DHX35: variants seen among roughly 807,000 people sequenced by gnomAD.
The protein encoded by DHX35 is DEAH-box helicase 35, also known as probable ATP-dependent RNA helicase DHX35.
In DHX35, 84 loss-of-function variants were observed where a neutral mutation model predicts 99.6. That is an observed-to-expected ratio of 0.84 (90% CI 0.71 to 1.01). DHX35 has a LOEUF of 1.01. DHX35 is among the 50% of genes least tolerant of loss of function. The pLI, the probability that DHX35 is intolerant of heterozygous loss-of-function variation, is 0.00. For missense variants in DHX35, 852 were observed against 888.5 expected (o/e 0.96, Z 0.52); for synonymous variants, 331 against 316.2 (o/e 1.05, Z -0.50).
At chr20:39,008,658 G>C (rs2086655145) in intron 12 of DHX35, among the ~76,000 whole-genome samples, 1 of 152,290 alleles carries the variant, frequency 6.6e-6, no homozygotes, top group African/African-American at 2.4e-5. Context: ...CACCTGCTCA[G>C]ACCCTCCACA....
intron 1 of DHX35, among the ~76,000 whole-genome samples, chr20:38,963,251 A>C (rs937054687): frequency 1.6e-4 from 24 of 152,380 alleles, no homozygotes; most frequent in African/African-American, 3.8e-4. Context: ...AAAGTTTTTA[A>C]ATTACAGCTA....
At position 38,988,825 on chromosome 20, in the gene DHX35, G is replaced by A; in HGVS notation, c.358G>A (p.Val120Ile). ...RVAAVTVAGR[V>I]AEERGAVLGH... ...TTTCTTCCCAAAGGTTGCAGGGAGA[G>A]TAGCTGAAGAAAGGGGTGCAGTGCT... Residue 120 changes from valine to isoleucine, a missense_variant, in exon 5 of 22, where the codon GTA (valine) becomes ATA (isoleucine). By Grantham distance (29) the Val-to-Ile change is conservative. Coordinates refer to ENST00000252011, the MANE Select transcript of DHX35 (RefSeq NM_021931.4). The A allele has an allele frequency of 3.1e-6, 5 of 1,613,726 alleles. No individual in the cohort carries two copies. The highest frequency in any genetic ancestry group is 1.1e-5 in the South Asian group (1 of 91,076).
intron 14 of DHX35, among the ~76,000 whole-genome samples, chr20:39,017,030 A>G (rs560384741): frequency 6.6e-6 from 1 of 152,174 alleles, no homozygotes; most frequent in African/African-American, 2.4e-5. Context: ...TGCAGTACAA[A>G]AATTTTAAGT....
intron 14 of DHX35, among the ~76,000 whole-genome samples, chr20:39,017,962 G>A (rs2086811233): frequency 6.6e-6 from 1 of 152,186 alleles, no homozygotes. Flanking sequence ...CACATGGCTG[G>A]GGAGGCCTCA....
chr20:39,001,595 C>A, intron 8 of DHX35, 135 bp from the exon 9 acceptor site: 1 of 555,658 alleles, frequency 1.8e-6, no homozygotes, highest in Non-Finnish European at 3.1e-6. Context: ...ATTTTGCAAC[C>A]CATAATCTGT....
Position 38,983,748 on chromosome 20 carries a change from C to A in DHX35, c.317C>A (p.Thr106Asn), listed in dbSNP as rs776489252. 42 of 1,613,882 alleles carry A rather than the reference C, an allele frequency of 2.6e-5. No homozygotes were observed. Among genetic ancestry groups the A allele is most frequent in the Non-Finnish European group, 3.4e-5 (40 of 1,179,974 alleles). ...GCTGAAGGAAGAGTGGTAGGAGTGA[C>A]CCAGCCTCGAAGAGTGGCTGCTGTT... ...WTAEGRVVGV[T>N]QPRRVAAVTV... Residue 106 changes from threonine (T) to asparagine (N), a missense_variant, in exon 4 of 22, where the codon ACC becomes AAC. Thr to Asn is a moderately conservative substitution (Grantham distance 65). Coordinates refer to ENST00000252011, the MANE Select transcript of DHX35 (RefSeq NM_021931.4).
chr20:39,012,174 G>A (rs572188418), intron 13 of DHX35, among the ~76,000 whole-genome samples: 14 of 152,244 alleles, frequency 9.2e-5, no homozygotes, highest in African/African-American at 3.1e-4. Flanking sequence ...GCTTGAACCC[G>A]GGAGGTGGAG....
At chr20:38,988,762 T>C in intron 4 of DHX35, 51 bp from the exon 5 acceptor site, 8 of 1,610,832 alleles carry the variant, frequency 5.0e-6, no homozygotes, top group Non-Finnish European at 6.8e-6. Context: ...GTATGTGCGC[T>C]GTGCAGTAAT....
chr20:38,979,558 C>T (rs532141023), intron 3 of DHX35, among the ~76,000 whole-genome samples: 2 of 152,284 alleles, frequency 1.3e-5, no homozygotes, highest in African/African-American at 4.8e-5. Context: ...TCTGCTACCC[C>T]TCTTATGGAG....
intron 1 of DHX35, among the ~76,000 whole-genome samples, chr20:38,968,302 A>G (rs779320048): frequency 3.3e-5 from 5 of 152,202 alleles, no homozygotes; most frequent in East Asian, 1.9e-4. Context: ...AGACGTGCCA[A>G]GATGAGAGAA....
intron 18 of DHX35, among the ~76,000 whole-genome samples, chr20:39,026,529 G>A (rs371242643): frequency 2.6e-5 from 4 of 152,294 alleles, no homozygotes; most frequent in African/African-American, 9.6e-5. Context: ...AGTAATCATA[G>A]AAGACGTGCT....
Position 38,980,511 on chromosome 20 carries a change from GT to G in DHX35, c.268-3174del, listed in dbSNP as rs397953645. 2.3e-3 allele frequency among the ~76,000 whole-genome samples: 312 copies of G among 136,934 alleles called. 2 individuals are homozygous for G. Among genetic ancestry groups the G allele is most frequent in the African/African-American group, 6.1e-3 (227 of 37,336 alleles). The allele number at this position is 136,934 out of a possible 152,430, so 89.8% of individuals were successfully genotyped here. A position where few individuals can be genotyped will look rare whatever the true frequency, so the allele number is the denominator to read the frequency against. On this transcript the variant is annotated intron_variant, in intron 3 of 21. Transcript: ENST00000252011. ...TCTTAGCTATTATTCTTATAGTTCT[GT>G]TTTTTTTTTTTTTGTATTTGTGTTG...
Position 38,967,376 on chromosome 20 carries a change from G to A in DHX35, c.41-1705G>A, listed in dbSNP as rs145039805. The stretch of plus-strand genomic sequence containing the variant: ...TATCACTGTAGTGCCCCAGCAGGAG[G>A]CTGTATAGCATGTGTTTGATCTAGG... On this transcript the variant is annotated intron_variant, in intron 1 of 21. Transcript: ENST00000252011. 2.6e-5 allele frequency among the ~76,000 whole-genome samples: 4 copies of A among 152,302 alleles called. No individual in the cohort carries two copies. In the East Asian group the frequency reaches 7.7e-4, roughly 29 times the overall value.
intron 18 of DHX35, 126 bp from the exon 19 acceptor site, chr20:39,028,292 G>A: frequency 1.1e-6 from 1 of 889,588 alleles, no homozygotes; most frequent in Non-Finnish European, 1.9e-6. Context: ...AGCCATTTCA[G>A]GAGAGGGTTT....
intron 10 of DHX35, among the ~76,000 whole-genome samples, chr20:39,003,510 T>G (rs1386435306): frequency 6.6e-6 from 1 of 152,254 alleles, no homozygotes; most frequent in Admixed American, 6.5e-5. Context: ...TTCCATTCAT[T>G]GCAGATCATA....
intron 7 of DHX35, among the ~76,000 whole-genome samples, chr20:38,994,225 CTT>C (rs1432340117): frequency 6.6e-6 from 1 of 152,002 alleles, no homozygotes; most frequent in Non-Finnish European, 1.5e-5. Flanking sequence ...TTCACTGAAT[CTT>C]TGCCAACACT....
chr20:39,012,493 A>C (rs2086719747), intron 13 of DHX35, among the ~76,000 whole-genome samples: 1 of 152,188 alleles, frequency 6.6e-6, no homozygotes, highest in African/African-American at 2.4e-5. Context: ...GAGAGAGGTG[A>C]CTGCACGTTG....
At chr20:39,014,666 T>C (rs1331371101) in intron 13 of DHX35, among the ~76,000 whole-genome samples, 2 of 152,098 alleles carry the variant, frequency 1.3e-5, no homozygotes, top group African/African-American at 4.8e-5. Context: ...GGGAAATGTT[T>C]CATCAAGCTG....
intron 1 of DHX35, among the ~76,000 whole-genome samples, chr20:38,968,212 G>A (rs1235127036): frequency 1.3e-5 from 2 of 152,140 alleles, no homozygotes; most frequent in Non-Finnish European, 2.9e-5. Context: ...GGAGTTGTAA[G>A]CGTGAACCCT....
Sources: gnomAD v4.1 joint callset for allele counts (sites outside exome capture counted in the v4.1 genomes callset) on GRCh38, gnomAD v4.1.1 for gene constraint, MANE v1.5 for transcripts, NCBI Gene and HGNC (gene_info 2026-07-23, HGNC 2026-07-21) for gene names.